Variants in ZNF257 observed in about 807,000 individuals in gnomAD.
ZNF257 encodes the protein bone marrow zinc finger 4.
Under a neutral mutation model 11.9 loss-of-function variants are expected in ZNF257, and 12 were observed. That is an observed-to-expected ratio of 1.01 (90% CI 0.65 to 1.63). ZNF257 has a LOEUF of 1.63. Among genes scored for constraint, ZNF257 ranks in the 40% most tolerant of loss-of-function variants. ZNF257 has a pLI of 0.00. For synonymous variants in ZNF257, 183 were observed against 222.7 expected (o/e 0.82, Z 1.59); for missense variants, 580 against 665.5 (o/e 0.87, Z 1.41).
At chr19:22,084,237 T>C (rs1166027415) in intron 3 of ZNF257, among the ~76,000 whole-genome samples, 1 of 152,160 alleles carries the variant, frequency 6.6e-6, no homozygotes, top group Admixed American at 6.5e-5. Context: ...GCATTGTTTT[T>C]AACTATTGGC....
In ZNF257 at chr19:22,089,490, G is replaced by A. The variant is rs1402439953; in HGVS notation, c.*48G>A. The A allele has an allele frequency of 6.4e-7, 1 of 1,564,386 alleles. No individual in the cohort carries two copies. The highest frequency in any genetic ancestry group is 1.2e-5 in the South Asian group (1 of 84,760). On this transcript the variant is annotated 3_prime_UTR_variant, in exon 4 of 4. Transcript: ENST00000594947. The stretch of plus-strand genomic sequence containing the variant: ...GAAGAATGTGTCAAAGCTTTTAACT[G>A]TTCCTCAATCCTTACTAAACATAAG...
At chr19:22,063,024 G>C (rs1219204422) in intron 1 of ZNF257, among the ~76,000 whole-genome samples, 1 of 152,138 alleles carries the variant, frequency 6.6e-6, no homozygotes, top group Admixed American at 6.6e-5. Flanking sequence ...TTTGGAGCTT[G>C]TTATTTGTCT....
chr19:22,081,914 G>GT (rs1435915539), intron 3 of ZNF257, among the ~76,000 whole-genome samples: 1 of 151,822 alleles, frequency 6.6e-6, no homozygotes, highest in African/African-American at 2.4e-5. Flanking sequence ...TTATAGATAT[G>GT]TTTTTTCTCA....
In ZNF257 at chr19:22,088,438, A is replaced by G; in HGVS notation, c.688A>G (p.Lys230Glu). The change falls in exon 4 of 4, where the codon AAA becomes GAA. Residue 230 changes from lysine to glutamate, a missense_variant. Physicochemically the swap from Lys to Glu is moderately conservative, Grantham distance 56. Transcript: ENST00000594947. ...KMTHTGEKPYKCEECGKAFNR... is the reference protein window; with the variant it reads ...KMTHTGEKPYECEECGKAFNR... ...GACTCATACTGGAGAGAAACCCTAC[A>G]AATGTGAAGAGTGTGGAAAAGCTTT... 1 of 1,612,126 alleles carries G rather than the reference A, an allele frequency of 6.2e-7. No individual in the cohort carries two copies. Among genetic ancestry groups the G allele is most frequent in the Admixed American group, 1.7e-5 (1 of 59,850 alleles).
intron 3 of ZNF257, 143 bp from the exon 4 acceptor site, chr19:22,087,834 A>G (rs1194096913): frequency 2.4e-5 from 20 of 836,748 alleles, no homozygotes; most frequent in Non-Finnish European, 3.1e-5. Flanking sequence ...TACATTTTAT[A>G]TGTTTTTGAA....
intron 1 of ZNF257, among the ~76,000 whole-genome samples, chr19:22,054,129 G>A (rs1252231327): frequency 6.6e-6 from 1 of 150,792 alleles, no homozygotes; most frequent in Admixed American, 6.6e-5. Context: ...CTGGAGTGCA[G>A]GGGCGAGATT....
At chr19:22,078,321 C>G (rs889549328) in intron 3 of ZNF257, among the ~76,000 whole-genome samples, 4 of 148,330 alleles carry the variant, frequency 2.7e-5, no homozygotes, top group Non-Finnish European at 4.5e-5. Context: ...ATGCAATTCT[C>G]TACAAAATAG....
intron 3 of ZNF257, among the ~76,000 whole-genome samples, chr19:22,078,768 G>C (rs1739084007): frequency 6.7e-6 from 1 of 149,218 alleles, no homozygotes; most frequent in Non-Finnish European, 1.5e-5. Context: ...CTTTATCACT[G>C]TTGACACCCA....
Position 22,080,114 on chromosome 19 carries a change from G to A in ZNF257, c.226+6550G>A, listed in dbSNP as rs117738228. Among the ~76,000 whole-genome samples, 108 of 152,090 alleles carry A rather than the reference G, an allele frequency of 7.1e-4. 2 individuals are homozygous for A. The East Asian group carries it at 0.017, about 24-fold the overall frequency. The stretch of plus-strand genomic sequence containing the variant: ...TTCACCTCAGCATCCCTAGTAGCTG[G>A]GACTATAGACATGCATTACCACGTC... On this transcript the variant is annotated intron_variant, in intron 3 of 3. Coordinates refer to ENST00000594947, the MANE Select transcript of ZNF257 (RefSeq NM_033468.4).
intron 3 of ZNF257, chr19:22,087,565 TGA>T: frequency 8.1e-7 from 1 of 1,230,496 alleles, no homozygotes. Flanking sequence ...ACCAGTGTCT[TGA>T]AAGACCCCTA....
At chr19:22,063,402 A>C (rs2021856231) in intron 1 of ZNF257, among the ~76,000 whole-genome samples, 1 of 152,112 alleles carries the variant, frequency 6.6e-6, no homozygotes, top group African/African-American at 2.4e-5. Context: ...CTGCTAGCTT[A>C]GAATTGGTTT....
rs116532634 is a variant in ZNF257 at position 22,079,934 on chromosome 19, A to G, written c.226+6370A>G. Among the ~76,000 whole-genome samples, 1,391 of 152,128 alleles carry G rather than the reference A, an allele frequency of 9.1e-3. 14 individuals are homozygous for G. The highest frequency in any genetic ancestry group is 0.012 in the African/African-American group (495 of 41,474). On this transcript the variant is annotated intron_variant, in intron 3 of 3. Transcript: ENST00000594947. ...TTGCTTTTAATTCCTAGTTTTATTC[A>G]ATTGTGGTCAGAAAACGCACAGTGT...
chr19:22,079,551 G>A (rs1033574734), intron 3 of ZNF257, among the ~76,000 whole-genome samples: 3 of 152,220 alleles, frequency 2.0e-5, no homozygotes, highest in South Asian at 2.1e-4. Flanking sequence ...ACAAGAGGGC[G>A]TTAGCAAAGG....
In ZNF257 at chr19:22,088,143, T is replaced by G; in HGVS notation, c.393T>G (p.Asn131Lys). The G allele has an allele frequency of 1.2e-6, 2 of 1,609,726 alleles. No homozygotes were observed. Among genetic ancestry groups the G allele is most frequent in the Non-Finnish European group, 1.7e-6 (2 of 1,177,552 alleles). ...DECKVCKGGY[N>K]GLNQCLITTQ... The stretch of plus-strand genomic sequence containing the variant: ...GTAAGGTGTGCAAAGGAGGTTATAA[T>G]GGACTTAACCAATGTCTGATAACTA... Residue 131 changes from asparagine (N) to lysine (K), a missense_variant, in exon 4 of 4, where the codon AAT (asparagine) becomes AAG (lysine). Asn to Lys is a moderately conservative substitution (Grantham distance 94). Coordinates refer to ENST00000594947, the MANE Select transcript of ZNF257 (RefSeq NM_033468.4).
intron 3 of ZNF257, among the ~76,000 whole-genome samples, chr19:22,077,119 G>A (rs1466055842): frequency 6.6e-6 from 1 of 152,116 alleles, no homozygotes; most frequent in Non-Finnish European, 1.5e-5. Context: ...GTTGAGACCA[G>A]CCTGGGCAGC....
chr19:22,087,905 T>C, intron 3 of ZNF257, 72 bp from the exon 4 acceptor site: 3 of 1,355,144 alleles, frequency 2.2e-6, no homozygotes, highest in Non-Finnish European at 2.9e-6. Context: ...TACAGTTTTA[T>C]AGGTTAGATT....
rs1328656096 is a variant in ZNF257 at position 22,088,053 on chromosome 19, G to A, written c.303G>A (p.Arg101=). ...IKYFFQKVIL[R]RYDKCEHENL... ...ATTTTTTCCAAAAAGTCATACTGAG[G>A]AGATATGATAAATGTGAACATGAGA... Residue 101 remains arginine (R), a synonymous_variant, in exon 4 of 4, where the codon AGG becomes AGA. Transcript: ENST00000594947. 1.2e-6 allele frequency: 2 copies of A among 1,600,836 alleles called. No homozygotes were observed. The highest frequency in any genetic ancestry group is 1.7e-5 in the Admixed American group (1 of 58,558).
intron 3 of ZNF257, among the ~76,000 whole-genome samples, chr19:22,086,361 T>C (rs2022475963): frequency 6.6e-6 from 1 of 152,132 alleles, no homozygotes; most frequent in African/African-American, 2.4e-5. Flanking sequence ...TTGATATTGC[T>C]GATTATATGT....
intron 1 of ZNF257, among the ~76,000 whole-genome samples, chr19:22,057,949 C>T (rs952751076): frequency 4.6e-5 from 7 of 151,964 alleles, no homozygotes; most frequent in Admixed American, 4.6e-4. Context: ...TTTGTAGAGA[C>T]GGGGGTTTCA....
Sources: allele counts gnomAD v4.1 joint callset (sites outside exome capture counted in the v4.1 genomes callset), GRCh38; gene constraint gnomAD v4.1.1; transcripts MANE v1.5; gene names NCBI Gene and HGNC (gene_info 2026-07-23, HGNC 2026-07-21).